Variants in FAM135A observed in about 807,000 individuals in gnomAD.
The protein encoded by FAM135A is family with sequence similarity 135 member A.
FAM135A carries 79 observed loss-of-function variants against 146.8 expected under a neutral mutation model. The observed-to-expected ratio is 0.54, with a 90% CI of 0.45 to 0.65. The LOEUF (loss-of-function observed/expected upper bound fraction) is 0.65. Among genes scored for constraint, FAM135A ranks in the 30% least tolerant of loss-of-function variants. The pLI is 0.00. For synonymous variants in FAM135A, 562 were observed against 603.6 expected (o/e 0.93, Z 1.01); for missense variants, 1,623 against 1,758.2 (o/e 0.92, Z 1.38).
At chr6:70,439,031 A>G (rs1014508276) in intron 4 of FAM135A, among the ~76,000 whole-genome samples, 2 of 152,148 alleles carry the variant, frequency 1.3e-5, no homozygotes, top group African/African-American at 4.8e-5. Context: ...AGCTAGCTGG[A>G]CATGGTGGTG....
chr6:70,492,849 A>AG (rs1251212182), intron 11 of FAM135A, among the ~76,000 whole-genome samples: 1 of 152,052 alleles, frequency 6.6e-6, no homozygotes, highest in Non-Finnish European at 1.5e-5. Flanking sequence ...GTAAGAGTGT[A>AG]GTGAAACTAG....
At chr6:70,448,366 A>T (rs999503894) in intron 4 of FAM135A, among the ~76,000 whole-genome samples, 2 of 152,094 alleles carry the variant, frequency 1.3e-5, no homozygotes, top group Admixed American at 6.5e-5. Context: ...AAGTGTTCCA[A>T]GGTGGAACGA....
In FAM135A at chr6:70,491,047, A is replaced by G. The variant is rs764312943; in HGVS notation, c.837A>G (p.Val279=). The G allele has an allele frequency of 1.2e-6, 2 of 1,601,120 alleles. No homozygotes were observed. Among genetic ancestry groups the G allele is most frequent in the South Asian group, 1.1e-5 (1 of 88,472 alleles). The change falls in exon 11 of 22, where the codon GTA becomes GTG. Residue 279 remains valine, a synonymous_variant. Coordinates refer to ENST00000418814, the MANE Select transcript of FAM135A (RefSeq NM_001162529.3). ...TACTCCTTCCAGAGGAAATGGATGT[A>G]GAAGCTCGACTTACTGAACTATGTG... ...CQKLELEEMD[V]EARLTELCEE... is the part of the protein sequence containing the mutation.
intron 19 of FAM135A, among the ~76,000 whole-genome samples, chr6:70,536,621 A>G (rs1796835798): frequency 6.6e-6 from 1 of 152,174 alleles, no homozygotes; most frequent in Admixed American, 6.5e-5. Context: ...TTGAGATGGT[A>G]TTTGTCAAAA....
intron 16 of FAM135A, among the ~76,000 whole-genome samples, chr6:70,531,348 T>C (rs1484660493): frequency 6.6e-6 from 1 of 152,226 alleles, no homozygotes; most frequent in East Asian, 1.9e-4. Flanking sequence ...GTGTTTTGTC[T>C]TCAAGATGAT....
Position 70,526,526 on chromosome 6 carries a change from T to C in FAM135A, c.3442T>C (p.Cys1148Arg). The C allele has an allele frequency of 1.2e-6, 2 of 1,613,624 alleles. No homozygotes were observed. The highest frequency in any genetic ancestry group is 1.7e-6 in the Non-Finnish European group (2 of 1,179,720). Residue 1148 changes from cysteine (C) to arginine (R), a missense_variant, in exon 15 of 22, where the codon TGT becomes CGT. This residue lies in a region of FAM135A where 1,061 missense variants were observed against 1,113.8 expected (regional missense o/e 0.95). Coordinates refer to ENST00000418814, the MANE Select transcript of FAM135A (RefSeq NM_001162529.3). ...LRDGINMPTV[C>R]TSGCLSFPSA... is the part of the protein sequence containing the mutation. ...AGATGGTATAAACATGCCTACTGTC[T>C]GTACTTCTGGTTGTTTGTCCTTCCC...
chr6:70,467,832 T>C (rs1298208888), intron 5 of FAM135A, among the ~76,000 whole-genome samples: 2 of 152,334 alleles, frequency 1.3e-5, no homozygotes, highest in East Asian at 3.9e-4. Context: ...TTCATGAATG[T>C]AATATCTTCT....
chr6:70,522,728 A>G, intron 13 of FAM135A, 142 bp downstream of exon 13: 1 of 656,730 alleles, frequency 1.5e-6, no homozygotes, highest in Admixed American at 3.1e-5. Context: ...TCCCATCTAT[A>G]ATCAAATTGT....
chr6:70,476,275 C>G (rs1782616959), intron 7 of FAM135A, among the ~76,000 whole-genome samples: 2 of 152,126 alleles, frequency 1.3e-5, no homozygotes, highest in African/African-American at 4.8e-5. Flanking sequence ...TCATTTAAAA[C>G]AAGAATCAGA....
intron 5 of FAM135A, among the ~76,000 whole-genome samples, 190 bp from the exon 6 acceptor site, chr6:70,475,220 C>T (rs1421678077): frequency 1.3e-5 from 2 of 152,154 alleles, no homozygotes; most frequent in East Asian, 1.9e-4. Flanking sequence ...TTACAATGCT[C>T]ATAATGTACT....
At chr6:70,492,413 T>C (rs1438608499) in intron 11 of FAM135A, among the ~76,000 whole-genome samples, 1 of 151,748 alleles carries the variant, frequency 6.6e-6, no homozygotes, top group African/African-American at 2.4e-5. Flanking sequence ...AATCTGATCT[T>C]GGGATATGAA....
chr6:70,490,156 G>A (rs1346714675), intron 10 of FAM135A, among the ~76,000 whole-genome samples: 1 of 152,168 alleles, frequency 6.6e-6, no homozygotes, highest in African/African-American at 2.4e-5. Context: ...ATTCAGGGAT[G>A]TTATAGAATG....
At chr6:70,487,612 GA>G (rs951842065) in intron 10 of FAM135A, among the ~76,000 whole-genome samples, 2 of 152,030 alleles carry the variant, frequency 1.3e-5, no homozygotes, top group Non-Finnish European at 2.9e-5. Flanking sequence ...TGTCAGGAAG[GA>G]AAAAGAAGAG....
intron 5 of FAM135A, among the ~76,000 whole-genome samples, chr6:70,465,234 C>A (rs1433921847): frequency 6.6e-6 from 1 of 151,960 alleles, no homozygotes; most frequent in Non-Finnish European, 1.5e-5. Context: ...GAATAATATT[C>A]TTTAATATGT....
At chr6:70,420,650 A>G (rs1368675462) in intron 2 of FAM135A, among the ~76,000 whole-genome samples, 1 of 152,228 alleles carries the variant, frequency 6.6e-6, no homozygotes, top group Non-Finnish European at 1.5e-5. Flanking sequence ...ATGCTATCCA[A>G]TAGAAGTATG....
chr6:70,507,528 G>T (rs1031306665), intron 12 of FAM135A, among the ~76,000 whole-genome samples: 3 of 152,062 alleles, frequency 2.0e-5, no homozygotes, highest in African/African-American at 7.2e-5. Flanking sequence ...AGCAAATTGT[G>T]AAGCAAAGAG....
chr6:70,472,328 A>G (rs955830750), intron 5 of FAM135A, among the ~76,000 whole-genome samples: 2 of 152,140 alleles, frequency 1.3e-5, no homozygotes, highest in Non-Finnish European at 2.9e-5. Flanking sequence ...TCAGAAGTTG[A>G]GTTTCTGGTC....
At chr6:70,440,284 G>A (rs1774151232) in intron 4 of FAM135A, among the ~76,000 whole-genome samples, 1 of 152,116 alleles carries the variant, frequency 6.6e-6, no homozygotes, top group African/African-American at 2.4e-5. Flanking sequence ...GATTGATTCA[G>A]GTGTTATATC....
intron 1 of FAM135A, among the ~76,000 whole-genome samples, chr6:70,414,522 C>A (rs548399069): frequency 6.6e-6 from 1 of 151,832 alleles, no homozygotes; most frequent in African/African-American, 2.4e-5. Context: ...CCCTCCCCCC[C>A]CCATTTGTAT....
Sources: gnomAD v4.1 joint callset for allele counts (sites outside exome capture counted in the v4.1 genomes callset) on GRCh38, gnomAD v4.1.1 for gene constraint, gnomAD v4.1.1 regional missense constraint, MANE v1.5 for transcripts, NCBI Gene and HGNC (gene_info 2026-07-23, HGNC 2026-07-21) for gene names.